SH3GL2: variants seen among roughly 807,000 people sequenced by gnomAD.
The protein encoded by SH3GL2 is SH3 domain containing GRB2 like 2, endophilin A1.
SH3GL2 carries 24 observed loss-of-function variants against 46.0 expected under a neutral mutation model. The ratio of observed to expected loss-of-function variants is 0.52; its 90% CI spans 0.38 to 0.73. SH3GL2 has a LOEUF of 0.73. Among genes scored for constraint, SH3GL2 ranks in the 30% least tolerant of loss-of-function variants. SH3GL2 has a pLI of 0.00. For synonymous variants in SH3GL2, 196 were observed against 147.1 expected (o/e 1.33, Z -2.40); for missense variants, 413 against 424.2 (o/e 0.97, Z 0.23).
At chr9:17,725,858 C>T (rs139556453) in intron 1 of SH3GL2, among the ~76,000 whole-genome samples, 1,619 of 152,238 alleles carry the variant, frequency 0.011, 13 homozygotes, top group Non-Finnish European at 0.017. Flanking sequence ...TGGCAGCCTG[C>T]CCCTTTCAGG....
At position 17,774,563 on chromosome 9, in the gene SH3GL2, A is replaced by G. The variant is rs549924909; in HGVS notation, c.188-11818A>G. Among the ~76,000 whole-genome samples the G allele has an allele frequency of 4.1e-4, 59 of 144,242 alleles. No individual in the cohort carries two copies. In the South Asian group the frequency reaches 0.013, roughly 31 times the overall value. 94.6% of individuals were successfully genotyped at this position (144,242 alleles called of 152,430 possible). On this transcript the variant is annotated intron_variant, in intron 3 of 8. Transcript: ENST00000380607. Reference sequence around the variant, plus strand: ...GATCGTGTGTGTGGTTTTTTTTTTTACTCTATTTTGTTAATGTGAGGTATT... The same window carrying G: ...GATCGTGTGTGTGGTTTTTTTTTTTGCTCTATTTTGTTAATGTGAGGTATT...
intron 1 of SH3GL2, among the ~76,000 whole-genome samples, chr9:17,680,421 G>T (rs553669120): frequency 2.0e-5 from 3 of 152,240 alleles, no homozygotes; most frequent in East Asian, 3.9e-4. Context: ...TTGTGTAGAG[G>T]TGTTTATAGT....
chr9:17,618,793 T>TTG (rs149930816), intron 1 of SH3GL2, among the ~76,000 whole-genome samples: 22,807 of 149,150 alleles, frequency 0.15, 1,730 homozygotes, highest in Middle Eastern at 0.21. Flanking sequence ...TTGGCTTATT[T>TTG]TGTGTGTGTG....
intron 1 of SH3GL2, among the ~76,000 whole-genome samples, chr9:17,693,758 G>A (rs1821139703): frequency 6.6e-6 from 1 of 152,194 alleles, no homozygotes; most frequent in Admixed American, 6.5e-5. Context: ...AGCGAGCAGT[G>A]AACGAAATGC....
At chr9:17,766,875 T>G (rs1314402755) in intron 3 of SH3GL2, among the ~76,000 whole-genome samples, 2 of 152,180 alleles carry the variant, frequency 1.3e-5, no homozygotes, top group Admixed American at 1.3e-4. Flanking sequence ...TATCAGTGGG[T>G]TTTTCTTTTC....
At chr9:17,716,301 A>C (rs188550373) in intron 1 of SH3GL2, among the ~76,000 whole-genome samples, 104 of 152,172 alleles carry the variant, frequency 6.8e-4, no homozygotes, top group African/African-American at 2.5e-3. Context: ...TGGATGTTTT[A>C]ATTTTTCTAT....
At chr9:17,609,776 C>T (rs953976095) in intron 1 of SH3GL2, among the ~76,000 whole-genome samples, 1 of 152,176 alleles carries the variant, frequency 6.6e-6, no homozygotes, top group Non-Finnish European at 1.5e-5. Flanking sequence ...AGCAAAGGCT[C>T]CCCCTTGAGA....
intron 2 of SH3GL2, among the ~76,000 whole-genome samples, chr9:17,750,396 G>A (rs1822809587): frequency 6.6e-6 from 1 of 151,898 alleles, no homozygotes; most frequent in Admixed American, 6.6e-5. Context: ...TTTTCCTAGG[G>A]GTGTTTCTCT....
At chr9:17,794,394 G>T (rs565286144) in intron 8 of SH3GL2, among the ~76,000 whole-genome samples, 2 of 152,156 alleles carry the variant, frequency 1.3e-5, no homozygotes. Context: ...AAAAAAGCGA[G>T]GTCTGAGCCG....
At chr9:17,647,350 T>C (rs968669755) in intron 1 of SH3GL2, among the ~76,000 whole-genome samples, 10 of 152,318 alleles carry the variant, frequency 6.6e-5, no homozygotes, top group East Asian at 1.9e-4. Flanking sequence ...CTATGCTAAA[T>C]GCTAGATGTG....
At chr9:17,650,984 T>TTGTG (rs3840724) in intron 1 of SH3GL2, among the ~76,000 whole-genome samples, 60 of 152,026 alleles carry the variant, frequency 3.9e-4, no homozygotes, top group East Asian at 2.3e-3. Flanking sequence ...CCCCTTTTCC[T>TTGTG]TGTGTGTGTG....
intron 1 of SH3GL2, among the ~76,000 whole-genome samples, chr9:17,669,263 T>A (rs1042333261): frequency 2.0e-5 from 3 of 152,178 alleles, no homozygotes; most frequent in East Asian, 3.9e-4. Flanking sequence ...TCTACAGGTT[T>A]TTTGCAGTTT....
chr9:17,715,009 G>A (rs1821715614), intron 1 of SH3GL2, among the ~76,000 whole-genome samples: 1 of 151,528 alleles, frequency 6.6e-6, no homozygotes, highest in African/African-American at 2.4e-5. Context: ...AGAATTCTTG[G>A]TAGACATGTT....
intron 1 of SH3GL2, among the ~76,000 whole-genome samples, chr9:17,682,623 A>G (rs929950871): frequency 6.6e-6 from 1 of 151,878 alleles, no homozygotes; most frequent in Middle Eastern, 3.2e-3. Flanking sequence ...CATGGTACAC[A>G]TATACCTATG....
rs7849197 is a variant in SH3GL2, at chr9:17,739,780, A to G, written c.46-7286A>G. Reference sequence around the variant, plus strand: ...GATCCCTCTATTATAAATTTTTCCAACTCCTTTTGAAGGATGTTAAGTAAT... The same window carrying G: ...GATCCCTCTATTATAAATTTTTCCAGCTCCTTTTGAAGGATGTTAAGTAAT... On this transcript the variant is annotated intron_variant, in intron 1 of 8. Transcript: ENST00000380607. Among the ~76,000 whole-genome samples the G allele has an allele frequency of 4.0e-3, 610 of 152,118 alleles. 5 individuals are homozygous for G. Among genetic ancestry groups the G allele is most frequent in the African/African-American group, 0.014 (586 of 41,512 alleles).
chr9:17,769,612 A>C (rs1823414136), intron 3 of SH3GL2, among the ~76,000 whole-genome samples: 1 of 152,050 alleles, frequency 6.6e-6, no homozygotes, highest in Admixed American at 6.6e-5. Context: ...CTCCACCTTC[A>C]GTCAGATGCC....
intron 1 of SH3GL2, among the ~76,000 whole-genome samples, chr9:17,595,933 G>GACT (rs1292027129): frequency 6.6e-6 from 1 of 152,038 alleles, no homozygotes; most frequent in Non-Finnish European, 1.5e-5. Flanking sequence ...CCTGGTCAGT[G>GACT]GGTTTATGGG....
intron 1 of SH3GL2, among the ~76,000 whole-genome samples, chr9:17,736,178 G>C (rs534927853): frequency 1.2e-4 from 19 of 152,070 alleles, no homozygotes; most frequent in Non-Finnish European, 7.4e-5. Flanking sequence ...AAATGTGTTT[G>C]TGTGTTTATA....
intron 1 of SH3GL2, among the ~76,000 whole-genome samples, chr9:17,610,504 G>T (rs1818840526): frequency 6.6e-6 from 1 of 152,176 alleles, no homozygotes. Flanking sequence ...ATACATACTT[G>T]GAATGACTAA....
Sources: gnomAD v4.1 joint callset for allele counts (sites outside exome capture counted in the v4.1 genomes callset) on GRCh38, gnomAD v4.1.1 for gene constraint, MANE v1.5 for transcripts, NCBI Gene and HGNC (gene_info 2026-07-23, HGNC 2026-07-21) for gene names.